WASHC2C: variants seen among roughly 807,000 people sequenced by gnomAD.
WASHC2C encodes the protein WASH complex subunit 2C, also known as Vaccinia Penetration Factor.
WASHC2C carries 73 observed loss-of-function variants against 142.2 expected under a neutral mutation model. The ratio of observed to expected loss-of-function variants is 0.51; its 90% CI spans 0.43 to 0.62. WASHC2C has a LOEUF of 0.62. Among genes scored for constraint, WASHC2C ranks in the 20% least tolerant of loss-of-function variants. The probability of loss-of-function intolerance (pLI) is 0.00; values close to 1 mark genes in which losing one functional copy is unlikely to be tolerated. For synonymous variants in WASHC2C, 337 were observed against 565.5 expected, an observed-to-expected ratio of 0.60 and a Z score of 5.73; for missense variants, 969 against 1,531.7, an observed-to-expected ratio of 0.63 and a Z score of 6.13.
chr10:45,728,731 A>T (rs555580633), intron 2 of WASHC2C, 131 bp from the exon 3 acceptor site: 88 of 282,928 alleles, frequency 3.1e-4, no homozygotes, highest in Non-Finnish European at 4.3e-4. Context: ...ACTCTCTCTC[A>T]AAAAAAAAAA....
At chr10:45,768,070 T>C (rs1336895638) in intron 19 of WASHC2C, among the ~76,000 whole-genome samples, 3 of 144,406 alleles carry the variant, frequency 2.1e-5, no homozygotes, top group Admixed American at 6.9e-5. Flanking sequence ...TACTAAAAAA[T>C]ACAAAAATTA....
rs1554861051 is a variant in WASHC2C, at chr10:45,728,895, A to G, written c.160A>G (p.Thr54Ala). Reference protein sequence around the residue: ...LQFLQEFSQQTISRTHEIKKQ... With the variant: ...LQFLQEFSQQAISRTHEIKKQ... The stretch of plus-strand genomic sequence containing the variant: ...GTTTCTACAGGAATTCTCACAGCAA[A>G]CTATCTCTAGGACCCATGAAATCAA... Residue 54 changes from threonine (T) to alanine (A), a missense_variant, in exon 3 of 31, where the codon ACT (threonine) becomes GCT (alanine). Transcript: ENST00000623400. 1 of 1,613,632 alleles carries G rather than the reference A, an allele frequency of 6.2e-7. No homozygotes were observed. The highest frequency in any genetic ancestry group is 8.5e-7 in the Non-Finnish European group (1 of 1,179,776).
At chr10:45,775,642 A>C (rs551824336) in intron 21 of WASHC2C, among the ~76,000 whole-genome samples, 2 of 151,358 alleles carry the variant, frequency 1.3e-5, no homozygotes, top group African/African-American at 4.8e-5. Flanking sequence ...GCCATACTTA[A>C]GTCTCTTTTT....
intron 23 of WASHC2C, among the ~76,000 whole-genome samples, chr10:45,783,624 C>A (rs1554888615): frequency 7.2e-5 from 11 of 152,078 alleles, no homozygotes; most frequent in Non-Finnish European, 2.9e-5. Flanking sequence ...CCACACCCGG[C>A]TGATCTTTGT....
intron 30 of WASHC2C, among the ~76,000 whole-genome samples, chr10:45,791,361 T>TAAA (rs1465290730): frequency 1.3e-5 from 2 of 149,912 alleles, no homozygotes; most frequent in Non-Finnish European, 3.0e-5. Context: ...TCAGAAAATG[T>TAAA]AAAAAGTGAA....
At chr10:45,731,763 C>T (rs2923045) in intron 3 of WASHC2C, among the ~76,000 whole-genome samples, 110 of 149,324 alleles carry the variant, frequency 7.4e-4, no homozygotes, top group African/African-American at 2.4e-3. Flanking sequence ...AAAAAATATA[C>T]TTGCTGATAT....
intron 15 of WASHC2C, among the ~76,000 whole-genome samples, chr10:45,756,689 C>T (rs1554877353): frequency 6.6e-6 from 1 of 152,170 alleles, no homozygotes; most frequent in African/African-American, 2.4e-5. Flanking sequence ...TGGTGGCCCT[C>T]TTAAATGATC....
At chr10:45,768,234 GAAAAA>G (rs1169870861) in intron 19 of WASHC2C, among the ~76,000 whole-genome samples, 1 of 76,492 alleles carries the variant, frequency 1.3e-5, no homozygotes, top group African/African-American at 5.2e-5. Context: ...CTCGAAAAAG[GAAAAA>G]AAAAAAAAAA....
At chr10:45,732,181 T>A (rs2050690327) in intron 3 of WASHC2C, among the ~76,000 whole-genome samples, 1 of 152,190 alleles carries the variant, frequency 6.6e-6, no homozygotes, top group African/African-American at 2.4e-5. Flanking sequence ...TGCCATTTGG[T>A]TTCATGGTAA....
At chr10:45,730,893 A>G (rs1244743583) in intron 3 of WASHC2C, among the ~76,000 whole-genome samples, 1 of 151,938 alleles carries the variant, frequency 6.6e-6, no homozygotes, top group East Asian at 1.9e-4. Context: ...TGCTGGGATT[A>G]CAGGCCTGAG....
In WASHC2C at chr10:45,758,966, T is replaced by C. The variant is rs547247785; in HGVS notation, c.1549-349T>C. Reference sequence around the variant, plus strand: ...AGTTTTGTCTCTTTGTGTCATGTCCTGGCTGTGAAGCCCTGACTTTCTCCT... The same window carrying C: ...AGTTTTGTCTCTTTGTGTCATGTCCCGGCTGTGAAGCCCTGACTTTCTCCT... On this transcript the variant is annotated intron_variant, in intron 16 of 30. Coordinates refer to ENST00000623400, the MANE Select transcript of WASHC2C (RefSeq NM_001330074.2). 2.9e-3 allele frequency among the ~76,000 whole-genome samples: 435 copies of C among 151,446 alleles called. 3 individuals carry two copies. Among genetic ancestry groups the C allele is most frequent in the African/African-American group, 9.9e-3 (408 of 41,228 alleles).
At chr10:45,770,863 T>C (rs1211307727) in intron 20 of WASHC2C, among the ~76,000 whole-genome samples, 1 of 152,178 alleles carries the variant, frequency 6.6e-6, no homozygotes, top group African/African-American at 2.4e-5. Context: ...ACAGCATTTC[T>C]CTCATCGGTT....
Position 45,729,001 on chromosome 10 carries a change from T to C in WASHC2C, c.266T>C (p.Leu89Pro). 1 of 1,613,694 alleles carries C rather than the reference T, an allele frequency of 6.2e-7. No homozygotes were observed. ...AATGTCTTCAATGACTTCCTTATGCTCTCTAATACCCAGTTCATAGAGAAT... is the reference window on the plus strand; with the variant it reads ...AATGTCTTCAATGACTTCCTTATGCCCTCTAATACCCAGTTCATAGAGAAT... ...LHNVFNDFLMLSNTQFIENRV... is the reference protein window; with the variant it reads ...LHNVFNDFLMPSNTQFIENRV... The change falls in exon 3 of 31, where the codon CTC becomes CCC. Residue 89 changes from leucine (L) to proline (P), a missense_variant. By Grantham distance (98) the Leu-to-Pro change is moderately conservative (BLOSUM62 -3). Coordinates refer to ENST00000623400, the MANE Select transcript of WASHC2C (RefSeq NM_001330074.2).
At chr10:45,783,523 A>G (rs188262025) in intron 23 of WASHC2C, among the ~76,000 whole-genome samples, 7,492 of 151,588 alleles carry the variant, frequency 0.049, 166 homozygotes, top group African/African-American at 0.089. Flanking sequence ...GTGCAGTGGC[A>G]TGATCTCGGC....
intron 3 of WASHC2C, among the ~76,000 whole-genome samples, chr10:45,732,241 GC>G (rs1449963461): frequency 2.6e-5 from 4 of 152,134 alleles, no homozygotes; most frequent in African/African-American, 9.7e-5. Flanking sequence ...TTATTAATTA[GC>G]CTCAGGGGCA....
At chr10:45,747,457 T>G (rs1384770703) in intron 8 of WASHC2C, among the ~76,000 whole-genome samples, 2 of 152,314 alleles carry the variant, frequency 1.3e-5, no homozygotes, top group South Asian at 4.1e-4. Flanking sequence ...TTATTTTAAA[T>G]AGCCTTTGCA....
chr10:45,762,974 C>G (rs1247061090), intron 17 of WASHC2C, among the ~76,000 whole-genome samples: 1 of 151,996 alleles, frequency 6.6e-6, no homozygotes, highest in Non-Finnish European at 1.5e-5. Context: ...ATAGTTGTAG[C>G]TCCATTAATT....
chr10:45,727,243 G>C (rs2049947251), upstream of WASHC2C: 4 of 1,529,570 alleles, frequency 2.6e-6, no homozygotes, highest in South Asian at 2.4e-5. Context: ...AGCTTGGCTG[G>C]GGCTAGGCTT....
chr10:45,750,881 G>GC (rs782110086), intron 10 of WASHC2C, 43 bp downstream of exon 10: 2 of 1,517,606 alleles, frequency 1.3e-6, no homozygotes, highest in South Asian at 2.4e-5. Flanking sequence ...GAGGAGTAGT[G>GC]CAGGGCCCTC....
Sources: gnomAD v4.1 joint callset for allele counts (sites outside exome capture counted in the v4.1 genomes callset) on GRCh38, gnomAD v4.1.1 for gene constraint, MANE v1.5 for transcripts, NCBI Gene and HGNC (gene_info 2026-07-23, HGNC 2026-07-21) for gene names.